Variants in ACSM3 observed in about 807,000 individuals in gnomAD.
ACSM3 encodes acyl-CoA synthetase medium chain family member 3, also known as acyl-coenzyme A synthetase ACSM3, mitochondrial.
In ACSM3, 61 loss-of-function variants were observed where a neutral mutation model predicts 74.1. The observed-to-expected ratio is 0.82, with a 90% CI of 0.67 to 1.02. The LOEUF (loss-of-function observed/expected upper bound fraction) is 1.02, where lower values mean the gene tolerates loss of function less well. Among genes scored for constraint, ACSM3 ranks in the 50% least tolerant of loss-of-function variants. The probability of loss-of-function intolerance (pLI) is 0.00; values close to 1 mark genes in which losing one functional copy is unlikely to be tolerated. For missense variants in ACSM3, 660 were observed against 697.0 expected (o/e 0.95, Z 0.60); for synonymous variants, 213 against 241.5 (o/e 0.88, Z 1.09).
At chr16:20,722,955 T>C (rs1421702070) in intron 1 of ACSM3, among the ~76,000 whole-genome samples, 1 of 152,190 alleles carries the variant, frequency 6.6e-6, no homozygotes, top group Non-Finnish European at 1.5e-5. Context: ...GTTTGTTACA[T>C]ATGTATACAT....
chr16:20,742,815 T>TATATATATATATATATA (rs1567334289), intron 1 of ACSM3, among the ~76,000 whole-genome samples: 5 of 47,052 alleles, frequency 1.1e-4, no homozygotes, highest in African/African-American at 2.2e-4. Flanking sequence ...ATATATATAT[T>TATATATATATATATATA]TTTTTTTTTT....
chr16:20,780,823 A>T lies in ACSM3; in HGVS notation c.748A>T (p.Ser250Cys), dbSNP rs1313518883. ...TCCGAAAATGACTGCACACACCCAC[A>T]GCAGTTTTGGTTTAGGATTATCTGT... ...GYPKMTAHTH[S>C]SFGLGLSVNG... The change falls in exon 5 of 14, where the codon AGC becomes TGC. Residue 250 changes from serine to cysteine, a missense_variant. By Grantham distance (112) the Ser-to-Cys change is moderately radical (BLOSUM62 -1). Transcript: ENST00000289416. 1 of 1,614,254 alleles carries T rather than the reference A, an allele frequency of 6.2e-7. No individual in the cohort carries two copies. Among genetic ancestry groups the T allele is most frequent in the South Asian group, 1.1e-5 (1 of 91,088 alleles).
chr16:20,751,681 G>A (rs1311903930), intron 2 of ACSM3, among the ~76,000 whole-genome samples: 1 of 152,166 alleles, frequency 6.6e-6, no homozygotes, highest in African/African-American at 2.4e-5. Flanking sequence ...CTATGTGGGA[G>A]CCAGGGTCTC....
At chr16:20,739,944 C>A (rs910540177) in intron 1 of ACSM3, among the ~76,000 whole-genome samples, 1 of 152,190 alleles carries the variant, frequency 6.6e-6, no homozygotes, top group Non-Finnish European at 1.5e-5. Context: ...AACGTGCTGA[C>A]CAGATCAATC....
At chr16:20,776,817 T>C (rs1182171124) in intron 3 of ACSM3, among the ~76,000 whole-genome samples, 2 of 152,178 alleles carry the variant, frequency 1.3e-5, no homozygotes, top group Non-Finnish European at 2.9e-5. Context: ...CCAGCAGGAA[T>C]AGAACCACAG....
Position 20,797,528 on chromosome 16 carries a change from C to A in ACSM3, c.*556C>A, listed in dbSNP as rs895011746. 1 of 1,193,190 alleles carries A rather than the reference C, an allele frequency of 8.4e-7. No individual in the cohort carries two copies. Among genetic ancestry groups the A allele is most frequent in the Non-Finnish European group, 1.0e-6 (1 of 962,144 alleles). 73.9% of individuals were successfully genotyped at this position (1,193,190 alleles called of 1,614,324 possible). On this transcript the variant is annotated 3_prime_UTR_variant, in exon 14 of 14. Transcript: ENST00000289416. ...CAAGGTCTAACTATAAAAGAAGGAT[C>A]ATATACTATTGTTGCTTATTATATG...
chr16:20,757,137 T>A (rs1053068493), intron 3 of ACSM3, among the ~76,000 whole-genome samples: 2 of 152,100 alleles, frequency 1.3e-5, no homozygotes, highest in African/African-American at 4.8e-5. Flanking sequence ...TGGTTCCATA[T>A]GAACTTTAAA....
chr16:20,721,495 G>A (rs1567324099), intron 1 of ACSM3: 1 of 152,182 alleles, frequency 6.6e-6, no homozygotes, highest in Non-Finnish European at 1.5e-5. Flanking sequence ...TTATTAAAGA[G>A]TGGAAGAGGA....
chr16:20,701,037 G>C (rs1258857827), intron 1 of ACSM3, among the ~76,000 whole-genome samples: 1 of 152,098 alleles, frequency 6.6e-6, no homozygotes, highest in Admixed American at 6.6e-5. Flanking sequence ...CTTGTTGATG[G>C]TTTTGATAGG....
Position 20,745,860 on chromosome 16 carries a change from T to G in ACSM3, c.-189-4050T>G, listed in dbSNP as rs886801189. On this transcript the variant is annotated intron_variant, in intron 1 of 3. Coordinates refer to the ACSM3 transcript ENST00000561584. The stretch of plus-strand genomic sequence containing the variant: ...GGTAGGAGATGCTCTTAGACACTCC[T>G]CGTGTTCTGACCTTGCTCCCCATCC... 2.0e-5 allele frequency among the ~76,000 whole-genome samples: 3 copies of G among 152,184 alleles called. No homozygotes were observed. The East Asian group carries it at 5.8e-4, about 29-fold the overall frequency.
At chr16:20,719,559 C>A (rs938738928) in intron 1 of ACSM3, among the ~76,000 whole-genome samples, 2 of 151,738 alleles carry the variant, frequency 1.3e-5, no homozygotes, top group African/African-American at 4.8e-5. Context: ...CAGAGTGGGG[C>A]GGGGTGGGGG....
chr16:20,792,517 T>C, intron 12 of ACSM3, 182 bp downstream of exon 12: 1 of 985,250 alleles, frequency 1.0e-6, no homozygotes, highest in African/African-American at 1.7e-5. Context: ...GTTGCAGCTC[T>C]GATCCTAACA....
intron 1 of ACSM3, among the ~76,000 whole-genome samples, chr16:20,705,037 C>A (rs1394362226): frequency 6.6e-6 from 1 of 152,140 alleles, no homozygotes; most frequent in Non-Finnish European, 1.5e-5. Flanking sequence ...TAGGATCAAC[C>A]TTTTGATAGG....
intron 1 of ACSM3, chr16:20,685,093 C>T: frequency 7.8e-7 from 1 of 1,286,530 alleles, no homozygotes; most frequent in South Asian, 1.2e-5. Context: ...GGCTTCAAAG[C>T]TGTGTCAGTG....
intron 1 of ACSM3, among the ~76,000 whole-genome samples, chr16:20,686,954 C>T (rs1038157980): frequency 6.6e-6 from 1 of 150,720 alleles, no homozygotes; most frequent in Non-Finnish European, 1.5e-5. Flanking sequence ...AAAAGCCATA[C>T]TCAAAATGGT....
chr16:20,752,169 G>A (rs948173854), intron 2 of ACSM3, among the ~76,000 whole-genome samples: 2 of 151,796 alleles, frequency 1.3e-5, no homozygotes, highest in African/African-American at 2.4e-5. Context: ...CAGCCTGGGC[G>A]ACAGAGCGAG....
chr16:20,796,582 T>G, intron 13 of ACSM3, 93 bp downstream of exon 13: 2 of 1,575,722 alleles, frequency 1.3e-6, no homozygotes, highest in South Asian at 2.3e-5. Flanking sequence ...TCTTCACACA[T>G]GCTGCACCAC....
intron 3 of ACSM3, chr16:20,755,723 G>C (rs902211865): frequency 1.8e-4 from 26 of 148,552 alleles, no homozygotes; most frequent in Non-Finnish European, 2.5e-4. Flanking sequence ...CCATGCTGGT[G>C]TGTTGCACCC....
chr16:20,757,473 G>C (rs2080040985), intron 3 of ACSM3, among the ~76,000 whole-genome samples: 1 of 151,824 alleles, frequency 6.6e-6, no homozygotes, highest in Non-Finnish European at 1.5e-5. Flanking sequence ...TGTGATTTTT[G>C]CACATTGATT....
Sources: allele counts gnomAD v4.1 joint callset (sites outside exome capture counted in the v4.1 genomes callset), GRCh38; gene constraint gnomAD v4.1.1; transcripts MANE v1.5; gene names NCBI Gene and HGNC (gene_info 2026-07-23, HGNC 2026-07-21).